TNFSF4: variants seen among roughly 807,000 people sequenced by gnomAD.
The protein encoded by TNFSF4 is TNF superfamily member 4, also known as tumor necrosis factor ligand superfamily member 4.
A neutral mutation model predicts 7.3 loss-of-function variants in TNFSF4; 4 were observed. That is an observed-to-expected ratio of 0.55 (90% confidence interval 0.27 to 1.25). The LOEUF is 1.25. Among genes scored for constraint, TNFSF4 ranks in the 50% most tolerant of loss-of-function variants. The pLI, the probability that TNFSF4 is intolerant of heterozygous loss-of-function variation, is 0.12. For synonymous variants in TNFSF4, 76 were observed against 83.7 expected (o/e 0.91, Z 0.50); for missense variants, 181 against 208.8 (o/e 0.87, Z 0.82).
the TNFSF4 span, among the ~76,000 whole-genome samples, chr1:173,350,179 G>A: frequency 1.1e-4 from 16 of 152,206 alleles, no homozygotes; most frequent in Admixed American, 5.9e-4. Context: ...TAAAACAAAA[G>A]TGCTTTATTG....
At chr1:173,331,454 T>C in the TNFSF4 span, among the ~76,000 whole-genome samples, 1 of 151,588 alleles carries the variant, frequency 6.6e-6, no homozygotes, top group African/African-American at 2.4e-5. Flanking sequence ...ACCTTAGTAG[T>C]CAAAAATAAA....
the TNFSF4 span, among the ~76,000 whole-genome samples, chr1:173,262,598 C>CTTTTT: frequency 1.6e-4 from 17 of 105,042 alleles, no homozygotes; most frequent in East Asian, 2.6e-4. Context: ...CCAAAAGATT[C>CTTTTT]TTTTTTTTTT....
the TNFSF4 span, among the ~76,000 whole-genome samples, chr1:173,449,844 A>G: frequency 3.3e-5 from 5 of 152,340 alleles, no homozygotes; most frequent in Non-Finnish European, 4.4e-5. Flanking sequence ...CAACATCTCA[A>G]ATCAAGGATC....
At chr1:173,441,684 A>G in the TNFSF4 span, among the ~76,000 whole-genome samples, 3 of 152,192 alleles carry the variant, frequency 2.0e-5, no homozygotes, top group African/African-American at 7.2e-5. Flanking sequence ...CTTAGTTTTC[A>G]TTTTTAAAGT....
chr1:173,241,183 T>C, the TNFSF4 span, among the ~76,000 whole-genome samples: 2 of 152,174 alleles, frequency 1.3e-5, no homozygotes, highest in African/African-American at 4.8e-5. Flanking sequence ...CAGGAACCTC[T>C]CCCCAACCCC....
chr1:173,444,559 T>TATA, the TNFSF4 span, among the ~76,000 whole-genome samples: 6 of 152,252 alleles, frequency 3.9e-5, no homozygotes, highest in East Asian at 3.9e-4. Context: ...CTGTAATGAT[T>TATA]ATAATCCCTT....
the TNFSF4 span, among the ~76,000 whole-genome samples, chr1:173,409,989 G>A: frequency 2.0e-5 from 3 of 152,232 alleles, 1 homozygote; most frequent in Middle Eastern, 6.8e-3. Flanking sequence ...AAAAAACCAG[G>A]TGCAGTGGCT....
the TNFSF4 span, among the ~76,000 whole-genome samples, chr1:173,437,412 T>C: frequency 6.6e-5 from 10 of 152,314 alleles, no homozygotes; most frequent in South Asian, 1.9e-3. Flanking sequence ...ATTAATTTAG[T>C]TTGTAGCTTT....
At chr1:173,191,702 C>G (rs748493082) in intron 1 of TNFSF4, among the ~76,000 whole-genome samples, 1 of 152,250 alleles carries the variant, frequency 6.6e-6, no homozygotes, top group African/African-American at 2.4e-5. Flanking sequence ...TTAGTTCAAA[C>G]TGTGACTTCT....
At chr1:173,380,820 AAAC>A in the TNFSF4 span, among the ~76,000 whole-genome samples, 1 of 152,176 alleles carries the variant, frequency 6.6e-6, no homozygotes, top group Non-Finnish European at 1.5e-5. Flanking sequence ...GGGGAAAAGA[AAAC>A]AACAAACTCA....
At chr1:173,410,454 A>C in the TNFSF4 span, among the ~76,000 whole-genome samples, 1 of 152,210 alleles carries the variant, frequency 6.6e-6, no homozygotes, top group Non-Finnish European at 1.5e-5. Flanking sequence ...TCACTCACTC[A>C]CTGGTTCTCC....
chr1:173,177,042 T>C, the TNFSF4 span, among the ~76,000 whole-genome samples: 1 of 152,014 alleles, frequency 6.6e-6, no homozygotes, highest in Non-Finnish European at 1.5e-5. Flanking sequence ...ACTTGGGTGA[T>C]GAAATAACTT....
chr1:173,257,614 A>G, the TNFSF4 span, among the ~76,000 whole-genome samples: 2,563 of 152,356 alleles, frequency 0.017, 70 homozygotes, highest in African/African-American at 0.059. Flanking sequence ...TTATTAAAGC[A>G]AAAAGATACA....
the TNFSF4 span, among the ~76,000 whole-genome samples, chr1:173,300,028 TCA>T: frequency 6.6e-6 from 1 of 151,812 alleles, no homozygotes; most frequent in Admixed American, 6.6e-5. Context: ...TTTTATGAGT[TCA>T]ATAAATCAGG....
the TNFSF4 span, among the ~76,000 whole-genome samples, chr1:173,348,707 T>C: frequency 5.9e-5 from 9 of 152,284 alleles, no homozygotes; most frequent in Non-Finnish European, 1.2e-4. Flanking sequence ...ATTAGTATCA[T>C]GCATGAAAAA....
At chr1:173,376,764 C>T in the TNFSF4 span, among the ~76,000 whole-genome samples, 1 of 152,204 alleles carries the variant, frequency 6.6e-6, no homozygotes, top group Non-Finnish European at 1.5e-5. Flanking sequence ...AGCTCAGGTC[C>T]CCTTCCACAC....
At chr1:173,412,748 C>T in the TNFSF4 span, among the ~76,000 whole-genome samples, 1 of 152,038 alleles carries the variant, frequency 6.6e-6, no homozygotes, top group African/African-American at 2.4e-5. Flanking sequence ...TAGTGATTAT[C>T]TTTGAGTGGA....
intron 2 of TNFSF4, among the ~76,000 whole-genome samples, chr1:173,187,646 G>A (rs772241487): frequency 1.3e-5 from 2 of 152,128 alleles, no homozygotes; most frequent in Non-Finnish European, 2.9e-5. Context: ...AGTTTTTCCC[G>A]GAAGGTACTT....
At chr1:173,200,822 G>A (rs893887131) in intron 1 of TNFSF4, among the ~76,000 whole-genome samples, 1 of 152,162 alleles carries the variant, frequency 6.6e-6, no homozygotes, top group African/African-American at 2.4e-5. Context: ...GGGAATGAAG[G>A]CTCTCTAACC....
Sources: allele counts gnomAD v4.1 joint callset (sites outside exome capture counted in the v4.1 genomes callset), GRCh38; gene constraint gnomAD v4.1.1; transcripts MANE v1.5; gene names NCBI Gene and HGNC (gene_info 2026-07-23, HGNC 2026-07-21).